Variants in MAP7 observed in about 807,000 individuals in gnomAD.
MAP7 encodes the protein microtubule associated protein 7.
A neutral mutation model predicts 94.8 loss-of-function variants in MAP7; 52 were observed. That is an observed-to-expected ratio of 0.55 (90% CI 0.44 to 0.69). MAP7 has a LOEUF of 0.69. Among genes scored for constraint, MAP7 ranks in the 30% least tolerant of loss-of-function variants. The pLI, the probability that MAP7 is intolerant of heterozygous loss-of-function variation, is 0.00. For missense variants in MAP7, 940 were observed against 964.6 expected, an observed-to-expected ratio of 0.97 and a Z score of 0.34; for synonymous variants, 350 against 357.0, an observed-to-expected ratio of 0.98 and a Z score of 0.22.
At chr6:136,514,165 C>T (rs936397852) in intron 1 of MAP7, among the ~76,000 whole-genome samples, 1 of 152,204 alleles carries the variant, frequency 6.6e-6, no homozygotes, top group Non-Finnish European at 1.5e-5. Flanking sequence ...TCAGAGGAAT[C>T]ACTACCTATG....
chr6:136,436,556 T>A (rs1273863724), intron 1 of MAP7, among the ~76,000 whole-genome samples: 3 of 152,238 alleles, frequency 2.0e-5, no homozygotes, highest in Admixed American at 2.0e-4. Flanking sequence ...ATATTTTTAT[T>A]TTTTGTAGAG....
At chr6:136,522,784 C>T (rs1341002900) in intron 1 of MAP7, among the ~76,000 whole-genome samples, 2 of 152,194 alleles carry the variant, frequency 1.3e-5, no homozygotes, top group Non-Finnish European at 2.9e-5. Context: ...GTAATCCCAG[C>T]CCTTTGGGAG....
intron 1 of MAP7, among the ~76,000 whole-genome samples, chr6:136,422,936 G>A (rs1582869800): frequency 6.6e-6 from 1 of 152,198 alleles, no homozygotes; most frequent in South Asian, 2.1e-4. Flanking sequence ...ACAGACCTGG[G>A]TTCAAAAGTG....
chr6:136,414,527 A>C (rs1421988329), intron 2 of MAP7, among the ~76,000 whole-genome samples: 1 of 152,140 alleles, frequency 6.6e-6, no homozygotes, highest in Non-Finnish European at 1.5e-5. Flanking sequence ...CCGTAGTAAA[A>C]TGGCATTTTA....
chr6:136,488,562 A>G (rs576173538), intron 1 of MAP7, among the ~76,000 whole-genome samples: 2 of 150,338 alleles, frequency 1.3e-5, no homozygotes, highest in South Asian at 4.2e-4. Flanking sequence ...CTCCTGCCTC[A>G]GCCTCCCGAG....
intron 2 of MAP7, chr6:136,419,985 A>G (rs1790751445): frequency 2.7e-6 from 2 of 734,616 alleles, no homozygotes; most frequent in African/African-American, 1.7e-5. Context: ...CAATAACTGC[A>G]AAGGACTGTT....
At chr6:136,537,520 A>C (rs1828979580) in intron 1 of MAP7, among the ~76,000 whole-genome samples, 1 of 152,214 alleles carries the variant, frequency 6.6e-6, no homozygotes. Context: ...TTATATACAC[A>C]GGGAGGGCAT....
chr6:136,430,086 C>T (rs1280524917), intron 1 of MAP7, among the ~76,000 whole-genome samples: 1 of 152,172 alleles, frequency 6.6e-6, no homozygotes, highest in African/African-American at 2.4e-5. Context: ...CTGTAGTTAT[C>T]CATCTATATT....
intron 1 of MAP7, among the ~76,000 whole-genome samples, chr6:136,539,547 ATAGT>A (rs1463948922): frequency 2.0e-4 from 30 of 152,326 alleles, no homozygotes; most frequent in African/African-American, 6.0e-4. Flanking sequence ...CTTGGACTTC[ATAGT>A]TAGACATATG....
intron 3 of MAP7, among the ~76,000 whole-genome samples, chr6:136,404,734 C>G (rs1255776020): frequency 6.6e-6 from 1 of 152,122 alleles, no homozygotes; most frequent in African/African-American, 2.4e-5. Flanking sequence ...GGCACTTAAA[C>G]AAAACTTAAA....
chr6:136,421,117 C>A (rs910558998), intron 2 of MAP7, among the ~76,000 whole-genome samples: 1 of 152,204 alleles, frequency 6.6e-6, no homozygotes, highest in Non-Finnish European at 1.5e-5. Context: ...TATTTACAGA[C>A]TGTTTGCTTC....
intron 3 of MAP7, among the ~76,000 whole-genome samples, chr6:136,392,217 A>C (rs1478216934): frequency 1.3e-5 from 2 of 152,060 alleles, no homozygotes; most frequent in Non-Finnish European, 2.9e-5. Flanking sequence ...AGCTGGGACT[A>C]CAGGCGTGCA....
rs949804659 is a variant in MAP7 at position 136,541,551 on chromosome 6, C to T, written c.67+8791G>A. ...TACTAACAGTGCCTATGAAGTGCAGCTCACATATGCCAAGTGCACTGCTCC... is the reference window on the plus strand; with the variant it reads ...TACTAACAGTGCCTATGAAGTGCAGTTCACATATGCCAAGTGCACTGCTCC... On this transcript the variant is annotated intron_variant, in intron 1 of 17. Coordinates refer to ENST00000354570, the MANE Select transcript of MAP7 (RefSeq NM_003980.6). Among the ~76,000 whole-genome samples, 8 of 152,308 alleles carry T rather than the reference C, an allele frequency of 5.3e-5. No individual in the cohort carries two copies. In the East Asian group the frequency reaches 1.4e-3, roughly 26 times the overall value.
intron 7 of MAP7, among the ~76,000 whole-genome samples, chr6:136,373,862 C>T (rs1417308361): frequency 6.6e-6 from 1 of 152,140 alleles, no homozygotes; most frequent in African/African-American, 2.4e-5. Flanking sequence ...AAAAGATTTG[C>T]TATTTGGGTT....
intron 1 of MAP7, among the ~76,000 whole-genome samples, chr6:136,458,011 T>A (rs1462476847): frequency 6.6e-6 from 1 of 152,140 alleles, no homozygotes; most frequent in African/African-American, 2.4e-5. Context: ...GTAGATGACA[T>A]GATCTTATTT....
chr6:136,509,859 A>G (rs1004832005), intron 1 of MAP7, among the ~76,000 whole-genome samples: 9 of 152,162 alleles, frequency 5.9e-5, no homozygotes, highest in Non-Finnish European at 1.2e-4. Flanking sequence ...CCCTGCCTGG[A>G]AGCTAATTTA....
At chr6:136,376,386 A>G (rs2128618745) in intron 7 of MAP7, among the ~76,000 whole-genome samples, 1 of 152,374 alleles carries the variant, frequency 6.6e-6, no homozygotes, top group South Asian at 2.1e-4. Context: ...GGCGTGAGCC[A>G]CCACGCCCGG....
intron 17 of MAP7, 173 bp downstream of exon 17, chr6:136,345,683 C>A (rs1378559580): frequency 2.9e-6 from 2 of 694,016 alleles, no homozygotes; most frequent in East Asian, 2.7e-5. Context: ...GTTGTCCAAT[C>A]CAACTCAAAA....
At chr6:136,349,879 A>G (rs986820021) in intron 16 of MAP7, among the ~76,000 whole-genome samples, 2 of 152,222 alleles carry the variant, frequency 1.3e-5, no homozygotes, top group South Asian at 4.2e-4. Context: ...GAGTTGTTCT[A>G]TAACAAAGGG....
Sources: gnomAD v4.1 joint callset for allele counts (sites outside exome capture counted in the v4.1 genomes callset) on GRCh38, gnomAD v4.1.1 for gene constraint, MANE v1.5 for transcripts, NCBI Gene and HGNC (gene_info 2026-07-23, HGNC 2026-07-21) for gene names.